Variants in RFC3 observed in about 807,000 individuals in gnomAD.
RFC3 encodes the protein A1 38 kDa subunit.
RFC3 carries 41 observed loss-of-function variants against 45.1 expected under a neutral mutation model. The ratio of observed to expected loss-of-function variants is 0.91; its 90% CI spans 0.71 to 1.18. The LOEUF (loss-of-function observed/expected upper bound fraction) is 1.18. Ranked by LOEUF, RFC3 falls within the 50% of genes most tolerant of loss-of-function variation. The probability of loss-of-function intolerance (pLI) is 0.00; values close to 1 mark genes in which losing one functional copy is unlikely to be tolerated. For synonymous variants in RFC3, 149 were observed against 144.0 expected (o/e 1.03, Z -0.25); for missense variants, 423 against 428.1 (o/e 0.99, Z 0.10).
intron 8 of RFC3, among the ~76,000 whole-genome samples, chr13:33,867,711 C>T (rs2082382713): frequency 6.6e-6 from 1 of 152,198 alleles, no homozygotes; most frequent in African/African-American, 2.4e-5. Flanking sequence ...AGGTTTGTGT[C>T]ACCCATGAGC....
At chr13:33,841,231 C>T (rs1453514577), downstream of RFC3, among the ~76,000 whole-genome samples, 1 of 152,198 alleles carries the variant, frequency 6.6e-6, no homozygotes, top group Non-Finnish European at 1.5e-5. Flanking sequence ...CTTCTGGGGT[C>T]CATGGATAAA....
intron 8 of RFC3, among the ~76,000 whole-genome samples, chr13:33,914,374 G>C (rs2082720887): frequency 6.6e-6 from 1 of 152,066 alleles, no homozygotes; most frequent in African/African-American, 2.4e-5. Context: ...ATACTTTCAT[G>C]CAAACTTTCT....
intron 2 of RFC3, 101 bp downstream of exon 2, chr13:33,821,370 T>G: frequency 8.5e-7 from 1 of 1,171,364 alleles, no homozygotes. Flanking sequence ...AATGTATGAT[T>G]TAAATAAGAA....
At chr13:33,926,572 A>G (rs2082815184) in intron 8 of RFC3, among the ~76,000 whole-genome samples, 1 of 152,148 alleles carries the variant, frequency 6.6e-6, no homozygotes, top group Admixed American at 6.6e-5. Flanking sequence ...AAATTCAGGG[A>G]ATTTTTACTG....
chr13:33,865,824 C>T (rs1340778294), intron 8 of RFC3, among the ~76,000 whole-genome samples: 3 of 152,020 alleles, frequency 2.0e-5, no homozygotes, highest in African/African-American at 4.8e-5. Context: ...GAGGCTGAGG[C>T]GGGTGGATCA....
intron 8 of RFC3, among the ~76,000 whole-genome samples, chr13:33,883,979 G>A (rs189147868): frequency 5.5e-4 from 84 of 152,198 alleles, no homozygotes; most frequent in African/African-American, 1.9e-3. Context: ...TATTTCTGGG[G>A]TTTGTCACCA....
intron 8 of RFC3, among the ~76,000 whole-genome samples, chr13:33,895,607 C>G (rs2082592740): frequency 6.6e-6 from 1 of 152,086 alleles, no homozygotes; most frequent in Non-Finnish European, 1.5e-5. Context: ...GGATATTTCT[C>G]TATTTCTAAA....
intron 8 of RFC3, among the ~76,000 whole-genome samples, chr13:33,948,687 C>A (rs2082969838): frequency 6.6e-6 from 1 of 152,202 alleles, no homozygotes; most frequent in Admixed American, 6.5e-5. Flanking sequence ...TGGGAGCCTA[C>A]CTCTTGCATC....
At chr13:33,947,390 A>AT (rs1290189481) in intron 8 of RFC3, among the ~76,000 whole-genome samples, 1 of 152,190 alleles carries the variant, frequency 6.6e-6, no homozygotes, top group Non-Finnish European at 1.5e-5. Context: ...ATGCGAAACT[A>AT]TAAGTCAATT....
chr13:33,888,705 T>C (rs2082543363), intron 8 of RFC3, among the ~76,000 whole-genome samples: 1 of 152,140 alleles, frequency 6.6e-6, no homozygotes, highest in Admixed American at 6.5e-5. Context: ...AGATCTGTGA[T>C]GAAAACATTC....
chr13:33,822,465 T>G (rs1427670404), intron 2 of RFC3, among the ~76,000 whole-genome samples: 1 of 152,194 alleles, frequency 6.6e-6, no homozygotes, highest in Non-Finnish European at 1.5e-5. Flanking sequence ...GAAAAAAGAT[T>G]AGTGAAGTAG....
At chr13:33,888,918 G>C (rs1220804148) in intron 8 of RFC3, among the ~76,000 whole-genome samples, 1 of 151,924 alleles carries the variant, frequency 6.6e-6, no homozygotes, top group Non-Finnish European at 1.5e-5. Context: ...GCTAATTTTT[G>C]TATTTTTAGT....
intron 8 of RFC3, among the ~76,000 whole-genome samples, chr13:33,890,894 A>G (rs79699764): frequency 0.11 from 17,034 of 152,164 alleles, 1,251 homozygotes; most frequent in Admixed American, 0.22. Flanking sequence ...TTCTAGATAT[A>G]TCAATATGTA....
the RFC3 span, among the ~76,000 whole-genome samples, chr13:33,975,184 A>T: frequency 6.9e-4 from 105 of 152,264 alleles, 1 homozygote; most frequent in Admixed American, 3.9e-4. Flanking sequence ...TAGTATGCTC[A>T]TATAGTGGAA....
At chr13:33,954,166 A>G (rs2083006981) in intron 8 of RFC3, among the ~76,000 whole-genome samples, 1 of 152,214 alleles carries the variant, frequency 6.6e-6, no homozygotes, top group African/African-American at 2.4e-5. Context: ...ATAACCTCTC[A>G]TTATCTTTGT....
At chr13:33,874,387 G>A (rs1026406070) in intron 8 of RFC3, among the ~76,000 whole-genome samples, 1 of 152,062 alleles carries the variant, frequency 6.6e-6, no homozygotes, top group Non-Finnish European at 1.5e-5. Context: ...GTGCAGTCTC[G>A]GCTAACTGCA....
chr13:33,881,846 A>G (rs1051815217), intron 8 of RFC3, among the ~76,000 whole-genome samples: 2 of 152,100 alleles, frequency 1.3e-5, no homozygotes, highest in Admixed American at 6.6e-5. Flanking sequence ...ATGACCTTCA[A>G]CTGTCACTTG....
chr13:33,935,955 G>C (rs2082883510), intron 8 of RFC3, among the ~76,000 whole-genome samples: 1 of 152,212 alleles, frequency 6.6e-6, no homozygotes, highest in South Asian at 2.1e-4. Flanking sequence ...AACAGCATGG[G>C]CAGGTCCCCT....
chr13:33,853,777 A>G (rs1208955703), intron 8 of RFC3, among the ~76,000 whole-genome samples: 2 of 152,200 alleles, frequency 1.3e-5, no homozygotes, highest in African/African-American at 4.8e-5. Context: ...GTCCAGGATG[A>G]TAACCCTAAG....
Sources: gnomAD v4.1 joint callset for allele counts (sites outside exome capture counted in the v4.1 genomes callset) on GRCh38, gnomAD v4.1.1 for gene constraint, MANE v1.5 for transcripts, NCBI Gene and HGNC (gene_info 2026-07-23, HGNC 2026-07-21) for gene names.